ATP10B: variants seen among roughly 807,000 people sequenced by gnomAD.
ATP10B encodes ATPase phospholipid transporting 10B (putative), also known as phospholipid-transporting ATPase VB.
ATP10B carries 122 observed loss-of-function variants against 141.2 expected under a neutral mutation model. The observed-to-expected ratio is 0.86, with a 90% CI of 0.75 to 1.00. The LOEUF is 1.00. Ranked by LOEUF, ATP10B falls within the 50% of genes least tolerant of loss-of-function variation. The pLI is 0.00. For missense variants in ATP10B, 1,876 were observed against 1,825.3 expected, an observed-to-expected ratio of 1.03 and a Z score of -0.51; for synonymous variants, 685 against 692.0, an observed-to-expected ratio of 0.99 and a Z score of 0.16.
intron 2 of ATP10B, among the ~76,000 whole-genome samples, chr5:160,738,036 T>C (rs140666514): frequency 6.6e-6 from 1 of 152,216 alleles, no homozygotes; most frequent in East Asian, 1.9e-4. Context: ...TATCAGGATA[T>C]GTTAGGACAA....
intron 1 of ATP10B, among the ~76,000 whole-genome samples, chr5:160,836,830 A>AT (rs1277172823): frequency 4.0e-5 from 6 of 151,624 alleles, no homozygotes; most frequent in African/African-American, 9.7e-5. Context: ...GTCTCTATCC[A>AT]TTTTTTCCTT....
At chr5:160,617,729 G>T in intron 16 of ATP10B, 135 bp downstream of exon 16, 1 of 765,228 alleles carries the variant, frequency 1.3e-6, no homozygotes, top group Non-Finnish European at 2.1e-6. Context: ...GGTTTTTGTG[G>T]CAAGTCAGAA....
At chr5:160,921,866 T>C in the ATP10B span, among the ~76,000 whole-genome samples, 2 of 152,220 alleles carry the variant, frequency 1.3e-5, no homozygotes, top group Non-Finnish European at 2.9e-5. Context: ...TCATGACTTA[T>C]ACCCGCAGGC....
At chr5:160,844,478 A>G (rs942712481) in intron 1 of ATP10B, among the ~76,000 whole-genome samples, 2 of 152,120 alleles carry the variant, frequency 1.3e-5, no homozygotes, top group Non-Finnish European at 2.9e-5. Flanking sequence ...CACAGGTGCC[A>G]CCACACCAAA....
chr5:160,695,481 C>T (rs1464702027), intron 3 of ATP10B, among the ~76,000 whole-genome samples: 6 of 95,240 alleles, frequency 6.3e-5, no homozygotes, highest in African/African-American at 8.5e-5. Context: ...TGTATATATG[C>T]GTGAGTGAGT....
chr5:160,868,478 A>G, the ATP10B span, among the ~76,000 whole-genome samples: 1 of 150,560 alleles, frequency 6.6e-6, no homozygotes, highest in Non-Finnish European at 1.5e-5. Context: ...AAAACCTTGC[A>G]TATTTTCTAA....
rs1358974582 is a variant in ATP10B, at chr5:160,812,038, G to C, written c.-575-26235C>G. Among the ~76,000 whole-genome samples, 4 of 151,688 alleles carry C rather than the reference G, an allele frequency of 2.6e-5. No homozygotes were observed. In the South Asian group the frequency reaches 6.3e-4, roughly 24 times the overall value. Reference sequence around the variant, plus strand: ...ACAGAGACAGAGAGAGAGAGAGAGAGAGAGAGAGAGAGAGAGAGAGAGGGA... The same window carrying C: ...ACAGAGACAGAGAGAGAGAGAGAGACAGAGAGAGAGAGAGAGAGAGAGGGA... On this transcript the variant is annotated intron_variant, in intron 1 of 25. Coordinates refer to ENST00000327245, the MANE Select transcript of ATP10B (RefSeq NM_025153.3).
At chr5:160,913,999 C>T in the ATP10B span, among the ~76,000 whole-genome samples, 1 of 152,158 alleles carries the variant, frequency 6.6e-6, no homozygotes, top group Non-Finnish European at 1.5e-5. Context: ...ATTTAATTAA[C>T]AATCATTTAT....
At chr5:160,819,990 C>G (rs1445528489) in intron 1 of ATP10B, among the ~76,000 whole-genome samples, 1 of 151,306 alleles carries the variant, frequency 6.6e-6, no homozygotes, top group Admixed American at 6.6e-5. Context: ...AGGAGCAAAC[C>G]AAATGCAAAA....
In ATP10B at chr5:160,767,583, G is replaced by A. The variant is rs558593210; in HGVS notation, c.-331+17976C>T. ...TATTATAAATATTACTTTGGTAGAAGCAAAAAAATGACACTTTGCTTCCAA... is the reference window on the plus strand; with the variant it reads ...TATTATAAATATTACTTTGGTAGAAACAAAAAAATGACACTTTGCTTCCAA... On this transcript the variant is annotated intron_variant, in intron 2 of 25. Coordinates refer to ENST00000327245, the MANE Select transcript of ATP10B (RefSeq NM_025153.3). Among the ~76,000 whole-genome samples the A allele has an allele frequency of 2.1e-4, 30 of 145,308 alleles. No homozygotes were observed. In the South Asian group the frequency reaches 6.1e-3, roughly 30 times the overall value.
At chr5:160,920,721 G>T in the ATP10B span, among the ~76,000 whole-genome samples, 1 of 152,196 alleles carries the variant, frequency 6.6e-6, no homozygotes, top group African/African-American at 2.4e-5. Context: ...CCGCTGCAGT[G>T]CTTCTCACAC....
At chr5:160,818,520 G>C (rs1396166347) in intron 1 of ATP10B, among the ~76,000 whole-genome samples, 1 of 152,194 alleles carries the variant, frequency 6.6e-6, no homozygotes, top group Non-Finnish European at 1.5e-5. Flanking sequence ...AAAGGATGTG[G>C]AGAAATAGGA....
chr5:160,858,565 C>T, the ATP10B span, among the ~76,000 whole-genome samples: 1 of 151,796 alleles, frequency 6.6e-6, no homozygotes, highest in Non-Finnish European at 1.5e-5. Flanking sequence ...GTTCCAGGCC[C>T]CAAACCCCAT....
At chr5:160,841,210 T>C (rs1239851260) in intron 1 of ATP10B, among the ~76,000 whole-genome samples, 1 of 152,040 alleles carries the variant, frequency 6.6e-6, no homozygotes, top group Non-Finnish European at 1.5e-5. Context: ...ATACATTCAA[T>C]GGAATACAAT....
intron 1 of ATP10B, among the ~76,000 whole-genome samples, chr5:160,790,806 T>G (rs1771515151): frequency 6.6e-6 from 1 of 152,068 alleles, no homozygotes; most frequent in Admixed American, 6.6e-5. Flanking sequence ...ACTCTGCAAG[T>G]GGAATTAAGG....
At chr5:160,851,547 A>G (rs936214190) in intron 1 of ATP10B, among the ~76,000 whole-genome samples, 1 of 152,324 alleles carries the variant, frequency 6.6e-6, no homozygotes, top group Middle Eastern at 3.4e-3. Context: ...CCATGTAATG[A>G]TCTCATTCTC....
At chr5:160,662,449 T>G (rs573228674) in intron 7 of ATP10B, among the ~76,000 whole-genome samples, 1 of 152,196 alleles carries the variant, frequency 6.6e-6, no homozygotes, top group East Asian at 1.9e-4. Context: ...AAAACAGAGA[T>G]ATAGACCAAT....
At chr5:160,783,558 A>G (rs1044223021) in intron 2 of ATP10B, among the ~76,000 whole-genome samples, 4 of 85,624 alleles carry the variant, frequency 4.7e-5, no homozygotes, top group African/African-American at 1.7e-4. Flanking sequence ...TCATATATAT[A>G]TGATACACAC....
At chr5:160,761,993 C>T (rs536789168) in intron 2 of ATP10B, among the ~76,000 whole-genome samples, 1 of 152,018 alleles carries the variant, frequency 6.6e-6, no homozygotes, top group African/African-American at 2.4e-5. Context: ...AGCTTGAAGA[C>T]AAGGCTTTTG....
Sources: gnomAD v4.1 joint callset for allele counts (sites outside exome capture counted in the v4.1 genomes callset) on GRCh38, gnomAD v4.1.1 for gene constraint, MANE v1.5 for transcripts, NCBI Gene and HGNC (gene_info 2026-07-23, HGNC 2026-07-21) for gene names.